The following RBFOX3 variants were observed in gnomAD, a reference collection of about 807,000 sequenced individuals.
The protein encoded by RBFOX3 is RNA binding fox-1 homolog 3, also known as RNA binding protein fox-1 homolog 3.
Under a neutral mutation model 48.7 loss-of-function variants are expected in RBFOX3, and 17 were observed. The ratio of observed to expected loss-of-function variants is 0.35; its 90% CI spans 0.24 to 0.52. The LOEUF is 0.52. Ranked by LOEUF, RBFOX3 falls within the 20% of genes least tolerant of loss-of-function variation. The pLI is 0.94. For synonymous variants in RBFOX3, 212 were observed against 209.5 expected (o/e 1.01, Z -0.10); for missense variants, 382 against 497.5 (o/e 0.77, Z 2.21).
intron 2 of RBFOX3, among the ~76,000 whole-genome samples, chr17:79,401,492 T>G (rs2148417633): frequency 6.6e-6 from 1 of 152,350 alleles, no homozygotes. Context: ...AACGCCTTAT[T>G]CCCTGTCCTG....
intron 3 of RBFOX3, among the ~76,000 whole-genome samples, chr17:79,260,451 C>T (rs1204149711): frequency 1.3e-5 from 2 of 152,210 alleles, no homozygotes; most frequent in Admixed American, 6.5e-5. Context: ...GAAGAAAGAA[C>T]GTGGCCTGAG....
At chr17:79,651,298 C>T in the RBFOX3 span, among the ~76,000 whole-genome samples, 5 of 152,246 alleles carry the variant, frequency 3.3e-5, no homozygotes, top group East Asian at 5.8e-4. Flanking sequence ...GCCATCAGCT[C>T]GATGCTGCAG....
intron 1 of RBFOX3, among the ~76,000 whole-genome samples, chr17:79,548,757 T>G (rs2143462171): frequency 6.6e-6 from 1 of 152,260 alleles, no homozygotes. Context: ...ATGCGTTGCA[T>G]GTACTGCTGT....
the RBFOX3 span, among the ~76,000 whole-genome samples, chr17:79,646,988 G>A: frequency 2.0e-5 from 3 of 152,126 alleles, no homozygotes; most frequent in African/African-American, 4.8e-5. Flanking sequence ...CAGCAGTGGA[G>A]CCAGGGGACA....
Position 79,481,902 on chromosome 17 carries a change from C to A in RBFOX3, c.-175+552G>T, listed in dbSNP as rs1435650650. 6.6e-6 allele frequency among the ~76,000 whole-genome samples: 1 copy of A among 152,144 alleles called. No individual in the cohort carries two copies. Among genetic ancestry groups the A allele is most frequent in the African/African-American group, 2.4e-5 (1 of 41,424 alleles). Reference sequence around the variant, plus strand: ...TGGCAGCTTGCATTCGAAGTGAGAGCCATCTTACAGAGCACTTGGCCCAAA... The same window carrying A: ...TGGCAGCTTGCATTCGAAGTGAGAGACATCTTACAGAGCACTTGGCCCAAA... On this transcript the variant is annotated intron_variant, in intron 2 of 14. Transcript: ENST00000693108. The surrounding 1 kb of genome is among the most constrained non-coding windows in gnomAD (Gnocchi z 5.4).
At chr17:79,322,076 A>C (rs1184664979) in intron 2 of RBFOX3, among the ~76,000 whole-genome samples, 2 of 152,198 alleles carry the variant, frequency 1.3e-5, no homozygotes, top group Non-Finnish European at 2.9e-5. Context: ...GCACACCAAC[A>C]ATTATGAAAT....
intron 4 of RBFOX3, among the ~76,000 whole-genome samples, chr17:79,192,664 G>A (rs923190185): frequency 6.6e-5 from 10 of 152,304 alleles, no homozygotes; most frequent in African/African-American, 1.7e-4. Context: ...GACCGGGCAC[G>A]AGAGTGAGAC....
intron 2 of RBFOX3, among the ~76,000 whole-genome samples, chr17:79,376,086 C>T (rs547733095): frequency 2.0e-4 from 30 of 152,276 alleles, no homozygotes; most frequent in African/African-American, 6.0e-4. Flanking sequence ...AGTCTGAATG[C>T]CCCAGAGCCC....
chr17:79,513,353 C>A (rs926859811), intron 1 of RBFOX3, among the ~76,000 whole-genome samples: 1 of 152,108 alleles, frequency 6.6e-6, no homozygotes. Context: ...CATGGCCCCA[C>A]GGCCAGGTGG....
chr17:79,177,215 C>CCG (rs1568288026), intron 4 of RBFOX3, among the ~76,000 whole-genome samples: 5 of 152,246 alleles, frequency 3.3e-5, no homozygotes, highest in South Asian at 2.1e-4. Context: ...CCTCTCCCCC[C>CCG]CCGCCCTCTC....
At chr17:79,574,603 T>C (rs1412453659) in intron 1 of RBFOX3, among the ~76,000 whole-genome samples, 1 of 152,210 alleles carries the variant, frequency 6.6e-6, no homozygotes, top group Non-Finnish European at 1.5e-5. Flanking sequence ...AACTCATGAA[T>C]AATCCACCCC....
intron 2 of RBFOX3, among the ~76,000 whole-genome samples, chr17:79,416,726 C>T (rs782122741): frequency 3.3e-5 from 5 of 152,228 alleles, no homozygotes; most frequent in Non-Finnish European, 5.9e-5. Flanking sequence ...CCCCTTGGAT[C>T]TATCTGCCTC....
chr17:79,300,415 G>A (rs1477040013), intron 3 of RBFOX3, among the ~76,000 whole-genome samples: 1 of 152,218 alleles, frequency 6.6e-6, no homozygotes, highest in Non-Finnish European at 1.5e-5. Flanking sequence ...CCGAAGTGGG[G>A]AGATGTGATC....
chr17:79,541,336 A>G (rs35796193), intron 1 of RBFOX3, among the ~76,000 whole-genome samples: 47,060 of 152,054 alleles, frequency 0.31, 8,584 homozygotes, highest in East Asian at 0.52. Flanking sequence ...AGAAACACTC[A>G]CACTAAATAA....
rs1445480082 is a variant in RBFOX3 at position 79,418,830 on chromosome 17, A to G, written c.-175+63624T>C. ...CCAGCCCCTTCCCATGCAGCCTGGT[A>G]CCAGGCAGTAGGTTTGAGGAGATGG... On this transcript the variant is annotated intron_variant, in intron 2 of 14. Coordinates refer to ENST00000693108, the MANE Select transcript of RBFOX3 (RefSeq NM_001350451.2). The surrounding 1 kb of genome is among the most constrained non-coding windows in gnomAD (Gnocchi z 5.0). Among the ~76,000 whole-genome samples, 1 of 152,160 alleles carries G rather than the reference A, an allele frequency of 6.6e-6. No homozygotes were observed. The highest frequency in any genetic ancestry group is 1.5e-5 in the Non-Finnish European group (1 of 68,034).
intron 4 of RBFOX3, among the ~76,000 whole-genome samples, chr17:79,129,567 C>T (rs1038242135): frequency 2.2e-4 from 33 of 152,322 alleles, no homozygotes; most frequent in African/African-American, 7.2e-4. Context: ...TTCCTGAGAC[C>T]CTGATATGCA....
At chr17:79,520,361 A>G (rs1284086225) in intron 1 of RBFOX3, among the ~76,000 whole-genome samples, 1 of 152,212 alleles carries the variant, frequency 6.6e-6, no homozygotes, top group African/African-American at 2.4e-5. Flanking sequence ...CGGGGACAGC[A>G]GTGAGGACTA....
At chr17:79,403,776 CTTTT>C (rs913879298) in intron 2 of RBFOX3, among the ~76,000 whole-genome samples, 4 of 120,882 alleles carry the variant, frequency 3.3e-5, no homozygotes, top group African/African-American at 1.1e-4. Context: ...CCCAGATGTT[CTTTT>C]TCTTTTTTTT....
At chr17:79,330,985 G>A (rs2080194344) in intron 2 of RBFOX3, among the ~76,000 whole-genome samples, 1 of 152,152 alleles carries the variant, frequency 6.6e-6, no homozygotes, top group African/African-American at 2.4e-5. Flanking sequence ...CCTGTTTCAT[G>A]AATGTGGGTC....
Sources: gnomAD v4.1 joint callset for allele counts (sites outside exome capture counted in the v4.1 genomes callset) on GRCh38, gnomAD v4.1.1 for gene constraint, Gnocchi (gnomAD v3.1) non-coding constraint, MANE v1.5 for transcripts, NCBI Gene and HGNC (gene_info 2026-07-23, HGNC 2026-07-21) for gene names.